ZBTB8OS: variants seen among roughly 807,000 people sequenced by gnomAD.
ZBTB8OS encodes tRNA-splicing ligase-activating factor archease.
ZBTB8OS carries 16 observed loss-of-function variants against 29.3 expected under a neutral mutation model. The observed-to-expected ratio is 0.55, with a 90% CI of 0.37 to 0.83. ZBTB8OS has a LOEUF of 0.83. ZBTB8OS is among the 40% of genes least tolerant of loss of function. The pLI, the probability that ZBTB8OS is intolerant of heterozygous loss-of-function variation, is 0.00. For synonymous variants in ZBTB8OS, 70 were observed against 64.6 expected (o/e 1.08, Z -0.40); for missense variants, 160 against 196.9 (o/e 0.81, Z 1.12).
At chr1:32,646,178 G>A (rs1183898162) in intron 1 of ZBTB8OS, among the ~76,000 whole-genome samples, 1 of 151,886 alleles carries the variant, frequency 6.6e-6, no homozygotes, top group Non-Finnish European at 1.5e-5. Flanking sequence ...AATTAGCTGG[G>A]TATGATGGTG....
At chr1:32,626,140 G>A (rs1018760960) in intron 6 of ZBTB8OS, among the ~76,000 whole-genome samples, 3 of 152,052 alleles carry the variant, frequency 2.0e-5, no homozygotes, top group African/African-American at 4.8e-5. Flanking sequence ...CCCAAAATGC[G>A]GGGATTACAG....
intron 2 of ZBTB8OS, chr1:32,634,296 G>A (rs971826787): frequency 6.8e-5 from 23 of 340,588 alleles, no homozygotes; most frequent in African/African-American, 3.6e-4. Flanking sequence ...GTGCGATCTC[G>A]GGTCACTGCA....
At chr1:32,636,306 T>C (rs1378830333) in intron 1 of ZBTB8OS, among the ~76,000 whole-genome samples, 1 of 152,192 alleles carries the variant, frequency 6.6e-6, no homozygotes, top group African/African-American at 2.4e-5. Context: ...CTGCGTAAAT[T>C]AGTCTTTTTC....
intron 1 of ZBTB8OS, among the ~76,000 whole-genome samples, chr1:32,635,016 G>A (rs1050900823): frequency 6.7e-6 from 1 of 150,314 alleles, no homozygotes. Flanking sequence ...CCAAGATCGC[G>A]CCACTGCACT....
At chr1:32,645,887 T>G (rs1465635903) in intron 1 of ZBTB8OS, among the ~76,000 whole-genome samples, 1 of 152,130 alleles carries the variant, frequency 6.6e-6, no homozygotes, top group Non-Finnish European at 1.5e-5. Flanking sequence ...TCACAGACCC[T>G]CTGGAAGGAT....
At chr1:32,648,896 T>G (rs1647054879) in intron 1 of ZBTB8OS, among the ~76,000 whole-genome samples, 1 of 149,132 alleles carries the variant, frequency 6.7e-6, no homozygotes, top group African/African-American at 2.5e-5. Flanking sequence ...GCTCCTGACC[T>G]CAGGTGATCC....
chr1:32,631,992 C>CTTTTTTTT (rs71006345), intron 4 of ZBTB8OS, 113 bp from the exon 5 acceptor site: 1 of 131,520 alleles, frequency 7.6e-6, no homozygotes, highest in Non-Finnish European at 1.4e-5. Flanking sequence ...TTGGTAAAAC[C>CTTTTTTTT]TTTTTTTTTT....
rs376010703 is a variant in ZBTB8OS, at chr1:32,634,024, T to C, written c.171A>G (p.Ala57=). The change falls in exon 3 of 7, where the codon GCA becomes GCG. Residue 57 remains alanine (A), a synonymous_variant. Transcript: ENST00000468695. ...DTLEEAFEQC[A]MAMFGYMTDT... ...CTGTCATGTAACCAAACATGGCCAT[T>C]GCACATTGCTCAAATGCTTCCTCCA... 19 of 1,603,080 alleles carry C rather than the reference T, an allele frequency of 1.2e-5. No individual in the cohort carries two copies. Among genetic ancestry groups the C allele is most frequent in the Non-Finnish European group, 1.5e-5 (18 of 1,177,598 alleles).
chr1:32,632,398 T>G (rs917439071), intron 4 of ZBTB8OS: 5 of 152,080 alleles, frequency 3.3e-5, no homozygotes, highest in African/African-American at 1.2e-4. Flanking sequence ...ACAAATGAGA[T>G]ATATATGTAT....
chr1:32,650,327 T>G, intron 1 of ZBTB8OS, 106 bp downstream of exon 1: 3 of 1,452,538 alleles, frequency 2.1e-6, no homozygotes, highest in Non-Finnish European at 2.8e-6. Context: ...GGATCATGCC[T>G]GAAGTACCCA....
At chr1:32,650,693 G>C, upstream of ZBTB8OS, 2 of 1,285,352 alleles carry the variant, frequency 1.6e-6, no homozygotes, top group African/African-American at 1.5e-5. Context: ...CCTGCCGCTT[G>C]GATCGCATAT....
intron 1 of ZBTB8OS, among the ~76,000 whole-genome samples, chr1:32,649,537 C>G (rs1345619316): frequency 6.6e-6 from 1 of 151,212 alleles, no homozygotes; most frequent in Admixed American, 6.6e-5. Context: ...AGTCACTAAG[C>G]GAATAAATGG....
At chr1:32,648,480 C>T (rs1358765583) in intron 1 of ZBTB8OS, among the ~76,000 whole-genome samples, 1 of 152,104 alleles carries the variant, frequency 6.6e-6, no homozygotes, top group African/African-American at 2.4e-5. Context: ...CCTAAACGTC[C>T]ATCAACTGAA....
At chr1:32,624,759 T>C (rs1038935592) in intron 6 of ZBTB8OS, among the ~76,000 whole-genome samples, 5 of 151,344 alleles carry the variant, frequency 3.3e-5, no homozygotes, top group African/African-American at 1.2e-4. Flanking sequence ...CCGGCTGTGG[T>C]GGCATACACC....
chr1:32,637,264 C>T (rs1646040088), intron 1 of ZBTB8OS, among the ~76,000 whole-genome samples: 1 of 152,020 alleles, frequency 6.6e-6, no homozygotes, highest in Admixed American at 6.6e-5. Context: ...AGTGAAGAAG[C>T]CAGACATAAA....
intron 6 of ZBTB8OS, among the ~76,000 whole-genome samples, chr1:32,626,465 A>T (rs753474993): frequency 1.6e-4 from 24 of 152,256 alleles, no homozygotes; most frequent in Admixed American, 2.6e-4. Flanking sequence ...AGGGGTCAGC[A>T]AAATATATAT....
intron 5 of ZBTB8OS, among the ~76,000 whole-genome samples, chr1:32,630,543 A>G (rs1448835960): frequency 6.6e-6 from 1 of 151,828 alleles, no homozygotes; most frequent in Non-Finnish European, 1.5e-5. Flanking sequence ...ACAGGGCAAG[A>G]CCCTGTCTCA....
chr1:32,650,363 G>GA, intron 1 of ZBTB8OS, 70 bp downstream of exon 1: 1 of 1,593,628 alleles, frequency 6.3e-7, no homozygotes, highest in Non-Finnish European at 8.6e-7. Context: ...AGAGCAGCAG[G>GA]AAGCCGCGGG....
chr1:32,639,331 T>C (rs1646228841), intron 1 of ZBTB8OS, among the ~76,000 whole-genome samples: 2 of 151,548 alleles, frequency 1.3e-5, no homozygotes, highest in Admixed American at 1.3e-4. Flanking sequence ...AGATGGAGTT[T>C]CCCTATGTTG....
Sources: allele counts gnomAD v4.1 joint callset (sites outside exome capture counted in the v4.1 genomes callset), GRCh38; gene constraint gnomAD v4.1.1; transcripts MANE v1.5; gene names NCBI Gene and HGNC (gene_info 2026-07-23, HGNC 2026-07-21).